SPTBN1: variants seen among roughly 807,000 people sequenced by gnomAD.
SPTBN1 encodes spectrin beta chain, non-erythrocytic 1.
In SPTBN1, 32 loss-of-function variants were observed where a neutral mutation model predicts 266.4. The observed-to-expected ratio is 0.12, with a 90% CI of 0.09 to 0.16. SPTBN1 has a LOEUF of 0.16. Among genes scored for constraint, SPTBN1 ranks in the 10% least tolerant of loss-of-function variants. SPTBN1 has a pLI of 1.00. For synonymous variants in SPTBN1, 1,336 were observed against 1,162.2 expected, an observed-to-expected ratio of 1.15 and a Z score of -3.04; for missense variants, 2,296 against 3,067.1, an observed-to-expected ratio of 0.75 and a Z score of 5.94.
At chr2:54,662,322 C>A in intron 32 of SPTBN1, 2 of 985,138 alleles carry the variant, frequency 2.0e-6, no homozygotes, top group Non-Finnish European at 1.2e-6. Context: ...TCCTTGTTTT[C>A]TTGGTTAGTG....
intron 3 of SPTBN1, among the ~76,000 whole-genome samples, chr2:54,606,158 A>G (rs901786844): frequency 3.3e-5 from 5 of 152,238 alleles, no homozygotes; most frequent in Admixed American, 1.3e-4. Flanking sequence ...TGTAAGTCAG[A>G]CAAGTGATTA....
chr2:54,616,400 C>G, intron 5 of SPTBN1, 102 bp downstream of exon 5: 2 of 967,670 alleles, frequency 2.1e-6, no homozygotes, highest in Middle Eastern at 4.4e-4. Context: ...TCCACTGCTT[C>G]CATTGGGAAG....
rs1252861756 is a variant in SPTBN1 at position 54,529,439 on chromosome 2, G to A, written c.148+2873G>A. 12 of 708,548 alleles carry A rather than the reference G, an allele frequency of 1.7e-5. 1 individual carries two copies. The highest frequency in any genetic ancestry group is 1.0e-4 in the African/African-American group (6 of 57,266). 43.9% of individuals were successfully genotyped at this position (708,548 alleles called of 1,614,324 possible). On this transcript the variant is annotated intron_variant, in intron 2 of 35. Coordinates refer to ENST00000356805, the MANE Select transcript of SPTBN1 (RefSeq NM_003128.3). ...GGCCAAGAAGGTAGTGTTGAAAGGT[G>A]TCCACGGCCACAAAAAAAAGAAGAT... is the stretch of plus-strand genomic sequence containing the variant.
At chr2:54,461,099 C>A (rs13033704) in intron 1 of SPTBN1, among the ~76,000 whole-genome samples, 24,385 of 152,164 alleles carry the variant, frequency 0.16, 2,091 homozygotes, top group African/African-American at 0.2. Context: ...ATCATCCCAT[C>A]TGAAACAACC....
At chr2:54,614,593 A>G (rs895987096) in intron 4 of SPTBN1, among the ~76,000 whole-genome samples, 1 of 152,144 alleles carries the variant, frequency 6.6e-6, no homozygotes, top group Non-Finnish European at 1.5e-5. Flanking sequence ...ACTTCAGATC[A>G]GGAGTTCGGG....
At chr2:54,477,521 C>T (rs890572039) in intron 1 of SPTBN1, among the ~76,000 whole-genome samples, 4 of 151,144 alleles carry the variant, frequency 2.6e-5, no homozygotes, top group African/African-American at 9.7e-5. Context: ...TAAACAGGTG[C>T]GAAGGACAAT....
intron 28 of SPTBN1, 116 bp downstream of exon 28, chr2:54,655,324 A>G (rs1680579271): frequency 7.5e-7 from 1 of 1,337,670 alleles, no homozygotes; most frequent in Non-Finnish European, 1.0e-6. Context: ...ACACACACAT[A>G]TGTTTTAAAA....
intron 29 of SPTBN1, 114 bp downstream of exon 29, chr2:54,656,112 T>TG: frequency 1.1e-6 from 1 of 902,198 alleles, no homozygotes; most frequent in Non-Finnish European, 1.7e-6. Context: ...GAGTTGTAGA[T>TG]GCCTTTTTAG....
rs1357608818 is a variant in SPTBN1, at chr2:54,646,838, G to A, written c.4867-293G>A. On this transcript the variant is annotated intron_variant, in intron 23 of 35. Coordinates refer to ENST00000356805, the MANE Select transcript of SPTBN1 (RefSeq NM_003128.3). This position sits in a 1 kb window ranked among gnomAD's most constrained non-coding sequence, Gnocchi z 4.4. ...AATGCTGCCATTTACATACTTGAGG[G>A]ACCTTGAGGAATTCCAGCGAACCAG... Among the ~76,000 whole-genome samples the A allele has an allele frequency of 6.6e-6, 1 of 152,178 alleles. No homozygotes were observed. The highest frequency in any genetic ancestry group is 2.4e-5 in the African/African-American group (1 of 41,444).
chr2:54,473,879 T>G (rs1309324061), intron 1 of SPTBN1, among the ~76,000 whole-genome samples: 1 of 152,246 alleles, frequency 6.6e-6, no homozygotes. Context: ...GGCACAAGCT[T>G]ATAGGACTAG....
rs773085394 is a variant in SPTBN1, at chr2:54,631,215, C to G, written c.3168C>G (p.Ala1056=). ...AGACCACCCTGAAAAACCGAGAGGC[C>G]TCCCTGGGAGAGGCCAGCAAGCTGC... ...EMKTTLKNRE[A]SLGEASKLQQ... Residue 1056 remains alanine, a synonymous_variant, in exon 16 of 36, where the codon GCC becomes GCG. Transcript: ENST00000356805. 3 of 1,614,090 alleles carry G rather than the reference C, an allele frequency of 1.9e-6. No individual in the cohort carries two copies. The highest frequency in any genetic ancestry group is 1.3e-5 in the African/African-American group (1 of 74,954).
intron 32 of SPTBN1, chr2:54,661,646 C>G (rs1681055302): frequency 2.0e-6 from 2 of 985,830 alleles, no homozygotes; most frequent in Admixed American, 6.1e-5. Flanking sequence ...TCTGCTTTGT[C>G]TTTGGTCATT....
chr2:54,530,416 T>A (rs1048845116), intron 2 of SPTBN1, among the ~76,000 whole-genome samples: 3 of 127,708 alleles, frequency 2.3e-5, no homozygotes, highest in Non-Finnish European at 4.7e-5. Flanking sequence ...TGGAGTGCAG[T>A]GGTGCAATCT....
chr2:54,612,347 G>C lies in SPTBN1; in HGVS notation c.474+13G>C. On this transcript the variant is annotated intron_variant, in intron 4 of 35. Transcript: ENST00000356805. ...CCTGCGCTTCCAGGTAAGGGTCTCT[G>C]CCCAGGGTTGCTCAGAACTTAGGCC... 1.9e-6 allele frequency: 3 copies of C among 1,603,096 alleles called. No individual in the cohort carries two copies. Among genetic ancestry groups the C allele is most frequent in the Non-Finnish European group, 2.6e-6 (3 of 1,173,152 alleles).
intron 18 of SPTBN1, 110 bp from the exon 19 acceptor site, chr2:54,642,873 A>C (rs1167235851): frequency 1.5e-6 from 2 of 1,357,446 alleles, no homozygotes; most frequent in Non-Finnish European, 2.0e-6. Flanking sequence ...GTCTGTCACC[A>C]TGGAAACGTG....
In SPTBN1 at chr2:54,646,295, C is replaced by T; in HGVS notation, c.4686C>T (p.Ala1562=). ...ACAGCAGCAGCCTCAGCGCTGAGGC[C>T]ATCAGACAGAGGCTTGCCGACCTGA... is the stretch of plus-strand genomic sequence containing the variant. The part of the protein sequence containing the change: ...VTDSSSLSAE[A]IRQRLADLKQ... Residue 1562 remains alanine (A), a synonymous_variant, in exon 23 of 36, where the codon GCC becomes GCT. Coordinates refer to ENST00000356805, the MANE Select transcript of SPTBN1 (RefSeq NM_003128.3). The surrounding 1 kb of genome is among the most constrained non-coding windows in gnomAD (Gnocchi z 4.4). 1 of 1,614,204 alleles carries T rather than the reference C, an allele frequency of 6.2e-7. No individual in the cohort carries two copies. Among genetic ancestry groups the T allele is most frequent in the Non-Finnish European group, 8.5e-7 (1 of 1,180,036 alleles).
chr2:54,622,391 T>C lies in SPTBN1; in HGVS notation c.968T>C (p.Ile323Thr), dbSNP rs1424416975. Residue 323 changes from isoleucine (I) to threonine (T), a missense_variant, in exon 9 of 36, where the codon ATC (isoleucine) becomes ACC (threonine). By Grantham distance (89) the Ile-to-Thr change is moderately conservative (BLOSUM62 -1). Coordinates refer to ENST00000356805, the MANE Select transcript of SPTBN1 (RefSeq NM_003128.3). Reference sequence around the variant, plus strand: ...CTGGAATGGATTGAACAAACCATCATCATTCTGAACAATCGCAAATTTGCC... The same window carrying C: ...CTGGAATGGATTGAACAAACCATCACCATTCTGAACAATCGCAAATTTGCC... ...DLLEWIEQTI[I>T]ILNNRKFANS... 2 of 1,614,114 alleles carry C rather than the reference T, an allele frequency of 1.2e-6. No individual in the cohort carries two copies. Among genetic ancestry groups the C allele is most frequent in the African/African-American group, 2.7e-5 (2 of 74,932 alleles).
intron 1 of SPTBN1, among the ~76,000 whole-genome samples, chr2:54,524,709 T>C (rs192342859): frequency 2.4e-3 from 368 of 152,360 alleles, no homozygotes; most frequent in African/African-American, 8.5e-3. Context: ...CCGCCACACT[T>C]GGGCTCGCCC....
At chr2:54,632,494 A>C in intron 16 of SPTBN1, 72 bp from the exon 17 acceptor site, 2 of 1,444,850 alleles carry the variant, frequency 1.4e-6, no homozygotes, top group Non-Finnish European at 1.9e-6. Context: ...ACTATGTTGC[A>C]CGGAAATGTA....
Sources: gnomAD v4.1 joint callset for allele counts (sites outside exome capture counted in the v4.1 genomes callset) on GRCh38, gnomAD v4.1.1 for gene constraint, Gnocchi (gnomAD v3.1) non-coding constraint, MANE v1.5 for transcripts, NCBI Gene and HGNC (gene_info 2026-07-23, HGNC 2026-07-21) for gene names.